SPIRE2: variants seen among roughly 807,000 people sequenced by gnomAD.
SPIRE2 encodes the protein protein spire homolog 2.
In SPIRE2, 76 loss-of-function variants were observed where a neutral mutation model predicts 80.7. That is an observed-to-expected ratio of 0.94 (90% confidence interval 0.78 to 1.14). The LOEUF (loss-of-function observed/expected upper bound fraction) is 1.14. SPIRE2 is among the 50% of genes most tolerant of loss of function. The probability of loss-of-function intolerance (pLI) is 0.00; values close to 1 mark genes in which losing one functional copy is unlikely to be tolerated. For synonymous variants in SPIRE2, 535 were observed against 432.6 expected (o/e 1.24, Z -2.94); for missense variants, 1,196 against 1,015.3 (o/e 1.18, Z -2.42).
At chr16:89,841,832 G>T (rs549139513) in intron 1 of SPIRE2, among the ~76,000 whole-genome samples, 1 of 152,120 alleles carries the variant, frequency 6.6e-6, no homozygotes, top group African/African-American at 2.4e-5. Context: ...CAAGTAGCTG[G>T]GATTACAGGC....
chr16:89,837,667 A>G (rs1327454932), intron 1 of SPIRE2, among the ~76,000 whole-genome samples: 4 of 152,138 alleles, frequency 2.6e-5, no homozygotes, highest in African/African-American at 7.2e-5. Context: ...TGTGGCCAAC[A>G]CACGCCTCCC....
intron 1 of SPIRE2, among the ~76,000 whole-genome samples, chr16:89,843,669 T>C (rs898344955): frequency 4.2e-5 from 1 of 23,646 alleles, no homozygotes; most frequent in Non-Finnish European, 7.2e-5. Flanking sequence ...GCTGCCACGT[T>C]TTTTTTTTTT....
At chr16:89,869,273 A>C (rs1443943196) in intron 13 of SPIRE2, among the ~76,000 whole-genome samples, 2 of 151,616 alleles carry the variant, frequency 1.3e-5, no homozygotes, top group Non-Finnish European at 2.9e-5. Flanking sequence ...TTGCCCTCTA[A>C]GGAGCCCCTG....
intron 1 of SPIRE2, among the ~76,000 whole-genome samples, chr16:89,829,350 A>C (rs2041357537): frequency 6.6e-6 from 1 of 152,246 alleles, no homozygotes; most frequent in South Asian, 2.1e-4. Flanking sequence ...CATCAACCAG[A>C]ACCAACAATT....
At chr16:89,831,054 C>A (rs994332904) in intron 1 of SPIRE2, among the ~76,000 whole-genome samples, 1 of 150,076 alleles carries the variant, frequency 6.7e-6, no homozygotes, top group Non-Finnish European at 1.5e-5. Context: ...GGACTACAGG[C>A]GCCCGCCACC....
chr16:89,850,274 C>A, intron 2 of SPIRE2, 30 bp from the exon 3 acceptor site: 1 of 1,587,940 alleles, frequency 6.3e-7, no homozygotes. Context: ...CCCTGCAGTA[C>A]CGCCCAGTGA....
chr16:89,831,437 G>A (rs1283524798), intron 1 of SPIRE2, among the ~76,000 whole-genome samples: 5 of 137,790 alleles, frequency 3.6e-5, no homozygotes, highest in East Asian at 4.1e-4. Context: ...TCGCTCTGTC[G>A]CCCAGGCTGG....
Position 89,828,902 on chromosome 16 carries a change from G to A in SPIRE2, c.244+108G>A. 2 of 914,532 alleles carry A rather than the reference G, an allele frequency of 2.2e-6. No individual in the cohort carries two copies. The highest frequency in any genetic ancestry group is 2.8e-6 in the Non-Finnish European group (2 of 723,496). 56.7% of individuals were successfully genotyped at this position (914,532 alleles called of 1,614,324 possible). A position where few individuals can be genotyped will look rare whatever the true frequency, so the allele number is the denominator to read the frequency against. On this transcript the variant is annotated intron_variant, in intron 1 of 14. Coordinates refer to ENST00000378247, the MANE Select transcript of SPIRE2 (RefSeq NM_032451.2). The surrounding 1 kb of genome is among the most constrained non-coding windows in gnomAD (Gnocchi z 5.9). ...AGAGGCTGCGACCGGTTCTGGAGCG[G>A]GAGATCCCCTTCTCTGCGGGACCCG...
intron 10 of SPIRE2, chr16:89,862,081 G>C (rs2041749750): frequency 6.7e-6 from 1 of 149,874 alleles, no homozygotes; most frequent in Admixed American, 6.7e-5. Context: ...TCGGCTCACT[G>C]CAAGCTCCGC....
At chr16:89,831,034 C>T (rs1388387659) in intron 1 of SPIRE2, among the ~76,000 whole-genome samples, 2 of 149,950 alleles carry the variant, frequency 1.3e-5, no homozygotes, top group African/African-American at 2.4e-5. Flanking sequence ...CTCAGCCTCC[C>T]GAGTAGCTGG....
chr16:89,837,288 G>T (rs759299737), intron 1 of SPIRE2, among the ~76,000 whole-genome samples: 10 of 152,160 alleles, frequency 6.6e-5, no homozygotes, highest in Non-Finnish European at 1.5e-4. Flanking sequence ...CAGGGGACTC[G>T]GATGGTGGTG....
chr16:89,843,691 G>GT (rs1224567542), intron 1 of SPIRE2, among the ~76,000 whole-genome samples: 64 of 20,632 alleles, frequency 3.1e-3, no homozygotes, highest in Admixed American at 3.8e-3. Flanking sequence ...GTTTGTTTTT[G>GT]TTTTTTGTTT....
chr16:89,851,417 T>C (rs1436422143), intron 3 of SPIRE2, among the ~76,000 whole-genome samples: 1 of 152,142 alleles, frequency 6.6e-6, no homozygotes, highest in Non-Finnish European at 1.5e-5. Context: ...AAAGCCCACT[T>C]GCTGGGCCTG....
intron 3 of SPIRE2, among the ~76,000 whole-genome samples, chr16:89,851,411 C>T (rs1013205630): frequency 3.9e-5 from 6 of 152,276 alleles, no homozygotes; most frequent in South Asian, 2.1e-4. Flanking sequence ...GGTGAGAAAG[C>T]CCACTTGCTG....
Position 89,828,862 on chromosome 16 carries a change from G to C in SPIRE2, c.244+68G>C. 2 of 1,137,882 alleles carry C rather than the reference G, an allele frequency of 1.8e-6. No individual in the cohort carries two copies. Among genetic ancestry groups the C allele is most frequent in the Non-Finnish European group, 2.2e-6 (2 of 921,518 alleles). The allele number at this position is 1,137,882 out of a possible 1,614,324, so 70.5% of individuals were successfully genotyped here. On this transcript the variant is annotated intron_variant, in intron 1 of 14. Coordinates refer to ENST00000378247, the MANE Select transcript of SPIRE2 (RefSeq NM_032451.2). The surrounding 1 kb of genome is among the most constrained non-coding windows in gnomAD (Gnocchi z 5.9). ...GGCGTCCGTCCCGCCCCCTGGGTGGGGGTGGTCCCGGCGGAGAGGCTGCGA... is the reference window on the plus strand; with the variant it reads ...GGCGTCCGTCCCGCCCCCTGGGTGGCGGTGGTCCCGGCGGAGAGGCTGCGA...
intron 12 of SPIRE2, among the ~76,000 whole-genome samples, chr16:89,865,785 G>A (rs955754247): frequency 3.3e-5 from 5 of 151,974 alleles, no homozygotes; most frequent in African/African-American, 7.2e-5. Flanking sequence ...TGGCTAACAC[G>A]ATGAAACCCT....
At chr16:89,855,150 C>G (rs181274746) in intron 5 of SPIRE2, among the ~76,000 whole-genome samples, 150 of 152,196 alleles carry the variant, frequency 9.9e-4, no homozygotes, top group South Asian at 5.4e-3. Flanking sequence ...GTGTTAGCCA[C>G]GATGGTCTCG....
chr16:89,859,002 T>C (rs1217556460), intron 8 of SPIRE2, among the ~76,000 whole-genome samples, 163 bp from the exon 9 acceptor site: 1 of 152,112 alleles, frequency 6.6e-6, no homozygotes, highest in Non-Finnish European at 1.5e-5. Context: ...CTCGGGTGCT[T>C]GCCACGAACT....
rs1179490790 is a variant in SPIRE2, at chr16:89,870,659, CAG to C, written c.*388_*389del. ...TCCCCAGTGGACGTCTAGGTGGGGA[CAG>C]GGTATCTTGGCTCCCAGCTGGACCA... On this transcript the variant is annotated 3_prime_UTR_variant, in exon 15 of 15. Coordinates refer to ENST00000378247, the MANE Select transcript of SPIRE2 (RefSeq NM_032451.2). 1 of 185,088 alleles carries C rather than the reference CAG, an allele frequency of 5.4e-6. No individual in the cohort carries two copies. Among genetic ancestry groups the C allele is most frequent in the East Asian group, 1.3e-4 (1 of 7,510 alleles). 11.5% of individuals were successfully genotyped at this position (185,088 alleles called of 1,614,324 possible).
Sources: gnomAD v4.1 joint callset for allele counts (sites outside exome capture counted in the v4.1 genomes callset) on GRCh38, gnomAD v4.1.1 for gene constraint, Gnocchi (gnomAD v3.1) non-coding constraint, MANE v1.5 for transcripts, NCBI Gene and HGNC (gene_info 2026-07-23, HGNC 2026-07-21) for gene names.